Variants in MYO18B observed in about 807,000 individuals in gnomAD.
MYO18B encodes unconventional myosin-XVIIIb.
A neutral mutation model predicts 273.0 loss-of-function variants in MYO18B; 204 were observed. That is an observed-to-expected ratio of 0.75 (90% CI 0.67 to 0.84). The LOEUF (loss-of-function observed/expected upper bound fraction) is 0.84. Among genes scored for constraint, MYO18B ranks in the 40% least tolerant of loss-of-function variants. MYO18B has a pLI of 0.00. For missense variants in MYO18B, 3,212 were observed against 3,287.6 expected, an observed-to-expected ratio of 0.98 and a Z score of 0.56; for synonymous variants, 1,330 against 1,305.7, an observed-to-expected ratio of 1.02 and a Z score of -0.40.
At chr22:25,744,725 T>C (rs891608281) in intron 1 of MYO18B, among the ~76,000 whole-genome samples, 1 of 151,984 alleles carries the variant, frequency 6.6e-6, no homozygotes, top group South Asian at 2.1e-4. Context: ...AGAGAGAGAC[T>C]CCGTCTCAAA....
At chr22:25,782,657 T>G (rs2087211317) in intron 10 of MYO18B, among the ~76,000 whole-genome samples, 1 of 152,140 alleles carries the variant, frequency 6.6e-6, no homozygotes, top group Admixed American at 6.5e-5. Context: ...GGGTGATAAT[T>G]TGTGGTTACT....
At chr22:25,960,395 C>T (rs778851232) in intron 39 of MYO18B, among the ~76,000 whole-genome samples, 16 of 152,260 alleles carry the variant, frequency 1.1e-4, no homozygotes, top group East Asian at 5.8e-4. Context: ...CTGATGCTGA[C>T]GGGAAGGCCT....
At chr22:25,956,875 C>G (rs988544071) in intron 39 of MYO18B, among the ~76,000 whole-genome samples, 17 of 152,148 alleles carry the variant, frequency 1.1e-4, no homozygotes, top group Non-Finnish European at 2.4e-4. Context: ...TAATATGTCT[C>G]GGGCTACTGT....
chr22:25,867,075 G>A (rs1462676171), intron 21 of MYO18B, among the ~76,000 whole-genome samples: 1 of 151,946 alleles, frequency 6.6e-6, no homozygotes, highest in South Asian at 2.1e-4. Context: ...GTGCAAACTT[G>A]TAATCTTGAA....
rs115646552 is a variant in MYO18B, at chr22:25,746,280, A to C, written c.-110+3987A>C. Among the ~76,000 whole-genome samples the C allele has an allele frequency of 5.4e-3, 829 of 152,286 alleles. 9 individuals are homozygous for C. The highest frequency in any genetic ancestry group is 0.018 in the African/African-American group (766 of 41,552). On this transcript the variant is annotated intron_variant, in intron 1 of 43. Transcript: ENST00000335473. Reference sequence around the variant, plus strand: ...CTTTTCTGCTTGTTTTTCTGCCAACAGTGGATGACTCATTTTTTCAGTTCT... The same window carrying C: ...CTTTTCTGCTTGTTTTTCTGCCAACCGTGGATGACTCATTTTTTCAGTTCT...
At chr22:25,811,232 A>G (rs2088743556) in intron 12 of MYO18B, among the ~76,000 whole-genome samples, 1 of 150,380 alleles carries the variant, frequency 6.6e-6, no homozygotes, top group African/African-American at 2.5e-5. Flanking sequence ...CATGTTGGTC[A>G]GGTTGGTCTT....
chr22:26,008,972 C>T (rs1253538374), intron 42 of MYO18B, among the ~76,000 whole-genome samples: 1 of 152,176 alleles, frequency 6.6e-6, no homozygotes, highest in African/African-American at 2.4e-5. Flanking sequence ...CATGGTCACT[C>T]ACCCTGTTCT....
At chr22:25,867,100 T>C (rs1438806317) in intron 21 of MYO18B, among the ~76,000 whole-genome samples, 1 of 151,886 alleles carries the variant, frequency 6.6e-6, no homozygotes, top group African/African-American at 2.4e-5. Context: ...AGCCCCTTCA[T>C]TTAGTTTTTG....
chr22:25,954,546 G>A (rs2092826580), intron 38 of MYO18B, among the ~76,000 whole-genome samples: 1 of 152,020 alleles, frequency 6.6e-6, no homozygotes, highest in South Asian at 2.1e-4. Flanking sequence ...CAGCGTCCCT[G>A]GGACACAGGT....
chr22:26,012,116 A>T (rs1469477501), intron 42 of MYO18B, among the ~76,000 whole-genome samples: 3 of 152,184 alleles, frequency 2.0e-5, no homozygotes, highest in East Asian at 3.8e-4. Flanking sequence ...TATTGTCTTT[A>T]AAAAAACAGT....
At chr22:25,924,197 C>A (rs568709678) in intron 34 of MYO18B, among the ~76,000 whole-genome samples, 5 of 152,334 alleles carry the variant, frequency 3.3e-5, no homozygotes, top group Admixed American at 3.3e-4. Context: ...TGACATTGGG[C>A]ATTGCTGCAT....
At position 25,798,023 on chromosome 22, in the gene MYO18B, C is replaced by G; in HGVS notation, c.2447C>G (p.Ser816Ter). 6.2e-7 allele frequency: 1 copy of G among 1,613,730 alleles called. No individual in the cohort carries two copies. Among genetic ancestry groups the G allele is most frequent in the Non-Finnish European group, 8.5e-7 (1 of 1,179,650 alleles). ...LQGAMEMLGISESEQRAVWRV... is the reference protein window; with the variant it reads ...LQGAMEMLGI ...GGTGCCATGGAGATGCTCGGCATCT[C>G]AGAGAGCGAGCAGCGGGCTGTTTGG... The change falls in exon 12 of 44, where the codon TCA becomes TGA. Residue 816 changes from serine to a stop codon, truncating the protein, a stop_gained. Coordinates refer to ENST00000335473, the MANE Select transcript of MYO18B (RefSeq NM_032608.7). LOFTEE classifies it high-confidence loss of function.
intron 20 of MYO18B, among the ~76,000 whole-genome samples, chr22:25,848,718 T>C (rs1303622608): frequency 6.6e-6 from 1 of 152,176 alleles, no homozygotes; most frequent in African/African-American, 2.4e-5. Flanking sequence ...TCCTTGCTAT[T>C]CTTTTCTGCC....
chr22:25,868,459 C>A, intron 22 of MYO18B, 74 bp downstream of exon 22: 2 of 1,248,642 alleles, frequency 1.6e-6, no homozygotes, highest in Non-Finnish European at 2.3e-6. Context: ...TCTTGTCCTA[C>A]CTCAATTGTC....
At chr22:25,902,007 A>C (rs2146340741) in intron 29 of MYO18B, among the ~76,000 whole-genome samples, 1 of 151,916 alleles carries the variant, frequency 6.6e-6, no homozygotes, top group South Asian at 2.1e-4. Flanking sequence ...TTAAAGTTTA[A>C]AAATTTTAAA....
intron 25 of MYO18B, among the ~76,000 whole-genome samples, chr22:25,889,139 G>T (rs1035119294): frequency 6.6e-6 from 1 of 151,554 alleles, no homozygotes; most frequent in African/African-American, 2.4e-5. Flanking sequence ...CTGGAAATTT[G>T]CCTTTTTTTC....
intron 19 of MYO18B, 76 bp downstream of exon 19, chr22:25,846,359 G>A: frequency 6.6e-7 from 1 of 1,512,920 alleles, no homozygotes; most frequent in Non-Finnish European, 9.0e-7. Context: ...TGAGTCATGT[G>A]CCTACATCAT....
Position 26,027,576 on chromosome 22 carries a change from G to A in MYO18B, c.7602G>A (p.Ala2534=), listed in dbSNP as rs368810371. 44 of 1,613,866 alleles carry A rather than the reference G, an allele frequency of 2.7e-5. No homozygotes were observed. Among genetic ancestry groups the A allele is most frequent in the Middle Eastern group, 1.6e-4 (1 of 6,084 alleles). ...GTCGACCAGGAATCCCACGACTTGC[G>A]GGTGACGGTGGCGAGCGAACGTCCC... ...IKSRPGIPRL[A]GDGGERTSPE... is the part of the protein sequence containing the mutation. Residue 2534 remains alanine, a synonymous_variant, in exon 43 of 44, where the codon GCG becomes GCA. Coordinates refer to ENST00000335473, the MANE Select transcript of MYO18B (RefSeq NM_032608.7). The surrounding 1 kb of genome is among the most constrained non-coding windows in gnomAD (Gnocchi z 4.1).
chr22:25,829,313 CA>C (rs147314090), intron 15 of MYO18B, among the ~76,000 whole-genome samples: 2,361 of 152,276 alleles, frequency 0.016, 56 homozygotes, highest in African/African-American at 0.044. Flanking sequence ...TGCATCTGCC[CA>C]GGGGGGGAAT....
Sources: gnomAD v4.1 joint callset for allele counts (sites outside exome capture counted in the v4.1 genomes callset) on GRCh38, gnomAD v4.1.1 for gene constraint, Gnocchi (gnomAD v3.1) non-coding constraint, MANE v1.5 for transcripts, NCBI Gene and HGNC (gene_info 2026-07-23, HGNC 2026-07-21) for gene names.